The following COPZ2 variants were observed in gnomAD, a reference collection of about 807,000 sequenced individuals.
COPZ2 encodes the protein coat protein complex I subunit zeta 2.
A neutral mutation model predicts 33.2 loss-of-function variants in COPZ2; 30 were observed. The ratio of observed to expected loss-of-function variants is 0.90; its 90% CI spans 0.68 to 1.23. The LOEUF (loss-of-function observed/expected upper bound fraction) is 1.23. COPZ2 is among the 50% of genes most tolerant of loss of function. The pLI is 0.00. For synonymous variants in COPZ2, 89 were observed against 102.6 expected, an observed-to-expected ratio of 0.87 and a Z score of 0.80; for missense variants, 263 against 262.4, an observed-to-expected ratio of 1.00 and a Z score of -0.02.
intron 8 of COPZ2, among the ~76,000 whole-genome samples, chr17:48,027,145 C>T (rs1040800212): frequency 6.6e-6 from 1 of 152,248 alleles, no homozygotes; most frequent in African/African-American, 2.4e-5. Flanking sequence ...GCACAGTCTC[C>T]CTCCTCTCTT....
At position 48,033,311 on chromosome 17, in the gene COPZ2, G is replaced by A; in HGVS notation, c.269-9C>T. On this transcript the variant is annotated splice_polypyrimidine_tract_variant and intron_variant, in intron 3 of 8. Coordinates refer to ENST00000621465, the MANE Select transcript of COPZ2 (RefSeq NM_016429.4). Reference sequence around the variant, plus strand: ...AAAAAATGCAATCTCACCTAGAAGTGGAGGGAGCTTTCAGTCCTGGCCACC... The same window carrying A: ...AAAAAATGCAATCTCACCTAGAAGTAGAGGGAGCTTTCAGTCCTGGCCACC... 1 of 1,591,386 alleles carries A rather than the reference G, an allele frequency of 6.3e-7. No individual in the cohort carries two copies.
At chr17:48,035,753 CTT>C (rs368011148) in intron 2 of COPZ2, among the ~76,000 whole-genome samples, 12 of 131,474 alleles carry the variant, frequency 9.1e-5, no homozygotes, top group African/African-American at 1.1e-4. Flanking sequence ...TTTTTCTTTT[CTT>C]TTTTTTTTTT....
rs1478860002 is a variant in COPZ2, at chr17:48,029,574, CTTGTTGCA to C, written c.495-406_495-399del. 7.9e-3 allele frequency: 2,116 copies of C among 268,944 alleles called. 55 individuals are homozygous for C. The highest frequency in any genetic ancestry group is 0.044 in the African/African-American group (1,928 of 43,686). 16.7% of individuals were successfully genotyped at this position (268,944 alleles called of 1,614,324 possible). ...GAAGAGAGGCCCTGGGGGTTCTTATCTTGTTGCACTGTTATTTTATGGCATGGGGTCAT... is the reference window on the plus strand; with the variant it reads ...GAAGAGAGGCCCTGGGGGTTCTTATCCTGTTATTTTATGGCATGGGGTCAT... On this transcript the variant is annotated intron_variant, in intron 6 of 8. Transcript: ENST00000621465.
upstream of COPZ2, among the ~76,000 whole-genome samples, chr17:48,041,737 G>A (rs1437027901): frequency 6.6e-6 from 1 of 151,996 alleles, no homozygotes; most frequent in Non-Finnish European, 1.5e-5. Flanking sequence ...GGTCATGCTG[G>A]CTGGGTATGT....
chr17:48,044,942 TAA>T, the COPZ2 span, among the ~76,000 whole-genome samples: 3 of 152,104 alleles, frequency 2.0e-5, no homozygotes, highest in Non-Finnish European at 4.4e-5. Context: ...TAGCAAAACT[TAA>T]AGACATGTTT....
In COPZ2 at chr17:48,037,258, C is replaced by G; in HGVS notation, c.112-333G>C. On this transcript the variant is annotated intron_variant, in intron 1 of 8. Transcript: ENST00000621465. This position sits in a 1 kb window ranked among gnomAD's most constrained non-coding sequence, Gnocchi z 5.6. The stretch of plus-strand genomic sequence containing the variant: ...GGGCCGGGGGGGACAGCGGGCCGAG[C>G]CTCCTTCTTCCAGCTGATCCCTGGC... The G allele has an allele frequency of 1.8e-6, 1 of 564,064 alleles. No individual in the cohort carries two copies. The highest frequency in any genetic ancestry group is 1.5e-5 in the South Asian group (1 of 65,164). The allele number at this position is 564,064 out of a possible 1,614,324, so 34.9% of individuals were successfully genotyped here.
chr17:48,031,623 GA>G (rs1268098176), intron 6 of COPZ2: 1 of 153,882 alleles, frequency 6.5e-6, no homozygotes, highest in Non-Finnish European at 1.4e-5. Flanking sequence ...AACATCTATT[GA>G]ATGAGAACCA....
the COPZ2 span, chr17:48,046,957 A>C: frequency 6.6e-6 from 1 of 152,256 alleles, no homozygotes; most frequent in Admixed American, 6.5e-5. Context: ...TGAGTCCAGG[A>C]GTTCCAGTCC....
At chr17:48,030,985 C>T (rs1277675063) in intron 6 of COPZ2, among the ~76,000 whole-genome samples, 1 of 152,220 alleles carries the variant, frequency 6.6e-6, no homozygotes, top group East Asian at 1.9e-4. Context: ...CAGTCCAGTA[C>T]AGTGCCATAG....
chr17:48,029,400 A>G, intron 6 of COPZ2: 1 of 606,914 alleles, frequency 1.6e-6, no homozygotes, highest in Non-Finnish European at 2.9e-6. Context: ...ATGCTTTGTC[A>G]TCCCTGGGCA....
chr17:48,041,689 A>G (rs578222407), upstream of COPZ2, among the ~76,000 whole-genome samples: 2 of 152,156 alleles, frequency 1.3e-5, no homozygotes, highest in African/African-American at 4.8e-5. Flanking sequence ...TGGGCATTTT[A>G]TTTCTTCGGA....
chr17:48,040,234 GTTAT>G (rs1049332592), upstream of COPZ2, among the ~76,000 whole-genome samples: 7 of 150,368 alleles, frequency 4.7e-5, no homozygotes, highest in African/African-American at 1.2e-4. Context: ...ACCATGCCTG[GTTAT>G]TTATTATTAT....
intron 2 of COPZ2, among the ~76,000 whole-genome samples, chr17:48,034,978 T>C (rs1266944180): frequency 1.8e-4 from 28 of 151,678 alleles, no homozygotes; most frequent in Admixed American, 1.8e-3. Context: ...AGAGGGAGAC[T>C]CCGTCTCAAA....
upstream of COPZ2, among the ~76,000 whole-genome samples, chr17:48,038,440 T>A (rs2037026020): frequency 6.6e-6 from 1 of 152,070 alleles, no homozygotes; most frequent in South Asian, 2.1e-4. Flanking sequence ...GTTTCTTTGG[T>A]CTAAGTCTAA....
At chr17:48,041,362 T>A (rs1297894575), upstream of COPZ2, among the ~76,000 whole-genome samples, 1 of 152,110 alleles carries the variant, frequency 6.6e-6, no homozygotes, top group Non-Finnish European at 1.5e-5. Flanking sequence ...GAAAAGTAGA[T>A]ATTATATGAG....
chr17:48,037,190 A>C lies in COPZ2; in HGVS notation c.112-265T>G, dbSNP rs1350404796. On this transcript the variant is annotated intron_variant, in intron 1 of 8. Transcript: ENST00000621465. The surrounding 1 kb of genome is among the most constrained non-coding windows in gnomAD (Gnocchi z 5.6). ...CTTCCGGGCCCAAGTTCTGTCATGCACTGACTGCTCCAGAGCCCGAGTCGG... is the reference window on the plus strand; with the variant it reads ...CTTCCGGGCCCAAGTTCTGTCATGCCCTGACTGCTCCAGAGCCCGAGTCGG... The C allele has an allele frequency of 4.2e-6, 3 of 712,810 alleles. No individual in the cohort carries two copies. The highest frequency in any genetic ancestry group is 8.0e-6 in the Non-Finnish European group (3 of 376,918). 44.2% of individuals were successfully genotyped at this position (712,810 alleles called of 1,614,324 possible).
At chr17:48,045,845 T>C in the COPZ2 span, 1 of 149,420 alleles carries the variant, frequency 6.7e-6, no homozygotes, top group South Asian at 2.2e-4. Flanking sequence ...GGGGAGAGTG[T>C]TGGGGGAAAG....
upstream of COPZ2, among the ~76,000 whole-genome samples, chr17:48,041,147 CA>C (rs10532613): frequency 0.5 from 51,289 of 102,586 alleles, 10,684 homozygotes; most frequent in Non-Finnish European, 0.57. Context: ...ACTCTATCTC[CA>C]AAAAAAAAAA....
intron 3 of COPZ2, 120 bp from the exon 4 acceptor site, chr17:48,033,422 G>C: frequency 1.5e-6 from 1 of 685,732 alleles, no homozygotes; most frequent in South Asian, 1.6e-5. Context: ...AGAACCCTTG[G>C]AAAGACCAGC....
Sources: gnomAD v4.1 joint callset for allele counts (sites outside exome capture counted in the v4.1 genomes callset) on GRCh38, gnomAD v4.1.1 for gene constraint, Gnocchi (gnomAD v3.1) non-coding constraint, MANE v1.5 for transcripts, NCBI Gene and HGNC (gene_info 2026-07-23, HGNC 2026-07-21) for gene names.